The following FNBP4 variants were observed in gnomAD, a reference collection of about 807,000 sequenced individuals.
FNBP4 encodes the protein formin-binding protein 4.
FNBP4 carries 34 observed loss-of-function variants against 119.3 expected under a neutral mutation model. The ratio of observed to expected loss-of-function variants is 0.28; its 90% CI spans 0.22 to 0.38. The LOEUF (loss-of-function observed/expected upper bound fraction) is 0.38. Among genes scored for constraint, FNBP4 ranks in the 10% least tolerant of loss-of-function variants. The pLI is 1.00. For missense variants in FNBP4, 1,112 were observed against 1,228.9 expected, an observed-to-expected ratio of 0.90 and a Z score of 1.42; for synonymous variants, 462 against 430.6, an observed-to-expected ratio of 1.07 and a Z score of -0.90.
chr11:47,720,380 AAC>A (rs1351793672), intron 15 of FNBP4, among the ~76,000 whole-genome samples: 1 of 151,854 alleles, frequency 6.6e-6, no homozygotes, highest in Non-Finnish European at 1.5e-5. Flanking sequence ...CATCCTGGCT[AAC>A]ATGGTGAAAC....
intron 2 of FNBP4, among the ~76,000 whole-genome samples, chr11:47,760,109 T>G (rs1373336461): frequency 6.6e-6 from 1 of 152,214 alleles, no homozygotes; most frequent in Non-Finnish European, 1.5e-5. Context: ...AAATCGGCTC[T>G]GCCTATTCCC....
chr11:47,743,060 A>C (rs914236684), intron 8 of FNBP4, among the ~76,000 whole-genome samples: 1 of 151,964 alleles, frequency 6.6e-6, no homozygotes, highest in Non-Finnish European at 1.5e-5. Context: ...CCTAGGGTCC[A>C]GGGATCCTTC....
Position 47,734,061 on chromosome 11 carries a change from G to A in FNBP4, c.1650C>T (p.Ser550=). The change falls in exon 10 of 17, where the codon TCC becomes TCT. Residue 550 remains serine, a synonymous_variant. Transcript: ENST00000263773. ...KFEFLGINRQ[S]ISNFHVLLLQ... ...AGAGCAGCACATGAAAGTTGGAGAT[G>A]GATTGTCTATTAATGCCTAGAAACT... 3 of 1,585,468 alleles carry A rather than the reference G, an allele frequency of 1.9e-6. No homozygotes were observed. Among genetic ancestry groups the A allele is most frequent in the South Asian group, 1.2e-5 (1 of 85,776 alleles).
intron 16 of FNBP4, among the ~76,000 whole-genome samples, 177 bp from the exon 17 acceptor site, chr11:47,717,689 T>TGATA (rs1053056216): frequency 2.0e-5 from 3 of 152,220 alleles, no homozygotes; most frequent in African/African-American, 7.2e-5. Flanking sequence ...TTCTTCATTC[T>TGATA]GATAGGTCAA....
intron 13 of FNBP4, 98 bp downstream of exon 13, chr11:47,724,370 C>T (rs924586267): frequency 1.8e-5 from 29 of 1,583,082 alleles, no homozygotes; most frequent in East Asian, 4.5e-5. Flanking sequence ...CGTGAGCCAC[C>T]GTGCCCGGCC....
chr11:47,750,660 G>T (rs1306449429), intron 6 of FNBP4, among the ~76,000 whole-genome samples: 1 of 118,414 alleles, frequency 8.4e-6, no homozygotes, highest in Non-Finnish European at 1.6e-5. Flanking sequence ...CTGTACTCCA[G>T]CCTGGGTGAC....
chr11:47,763,989 A>G (rs1051820227), intron 2 of FNBP4, among the ~76,000 whole-genome samples: 9 of 152,200 alleles, frequency 5.9e-5, no homozygotes, highest in Non-Finnish European at 1.3e-4. Flanking sequence ...TGTTTTGGAA[A>G]TTAAATCCCC....
At chr11:47,763,420 CAA>C (rs34974843) in intron 2 of FNBP4, among the ~76,000 whole-genome samples, 73,346 of 126,074 alleles carry the variant, frequency 0.58, 20,938 homozygotes, top group African/African-American at 0.68. Context: ...CACTTGAACT[CAA>C]AAAAAAAAAA....
intron 16 of FNBP4, among the ~76,000 whole-genome samples, chr11:47,719,459 G>C (rs1395493280): frequency 2.6e-5 from 4 of 152,032 alleles, no homozygotes; most frequent in Non-Finnish European, 5.9e-5. Context: ...TGAAATATAG[G>C]GACAGGGGAA....
At chr11:47,763,332 C>A (rs191062549) in intron 2 of FNBP4, among the ~76,000 whole-genome samples, 23 of 150,808 alleles carry the variant, frequency 1.5e-4, no homozygotes, top group Non-Finnish European at 2.7e-4. Context: ...GTAATCCCAG[C>A]TGCTCAGGAG....
At chr11:47,731,730 A>G in intron 11 of FNBP4, 169 bp from the exon 12 acceptor site, 1 of 1,377,500 alleles carries the variant, frequency 7.3e-7, no homozygotes, top group Non-Finnish European at 9.3e-7. Flanking sequence ...TGGAGAACCA[A>G]GGATAATTCA....
intron 1 of FNBP4, among the ~76,000 whole-genome samples, chr11:47,766,626 G>C (rs1276532461): frequency 6.6e-6 from 1 of 152,210 alleles, no homozygotes; most frequent in African/African-American, 2.4e-5. Flanking sequence ...TTACTAGCTG[G>C]AATATTAAGA....
intron 1 of FNBP4, 21 bp downstream of exon 1, chr11:47,767,048 G>A: frequency 1.3e-6 from 2 of 1,520,220 alleles, no homozygotes; most frequent in Non-Finnish European, 1.8e-6. Flanking sequence ...CTCGAGTTCA[G>A]GTCCCCCCGC....
In FNBP4 at chr11:47,735,013, C is replaced by T. The variant is rs145798104; in HGVS notation, c.1582-884G>A. On this transcript the variant is annotated intron_variant, in intron 9 of 16. Coordinates refer to ENST00000263773, the MANE Select transcript of FNBP4 (RefSeq NM_015308.5). The stretch of plus-strand genomic sequence containing the variant: ...CCAAAAAAAAAGGAAATCTAAAGCA[C>T]AGCATGGTGACTACAGTTAACAATA... Among the ~76,000 whole-genome samples the T allele has an allele frequency of 9.6e-5, 13 of 135,180 alleles. No homozygotes were observed. The East Asian group carries it at 2.9e-3, about 30-fold the overall frequency. The allele number at this position is 135,180 out of a possible 152,430, so 88.7% of individuals were successfully genotyped here.
intron 15 of FNBP4, among the ~76,000 whole-genome samples, chr11:47,720,609 A>C (rs952863503): frequency 4.6e-5 from 7 of 151,642 alleles, no homozygotes; most frequent in African/African-American, 1.7e-4. Context: ...AAATCTATAA[A>C]GCTTTGTAAA....
At chr11:47,750,705 A>G (rs2097600999) in intron 6 of FNBP4, among the ~76,000 whole-genome samples, 3 of 148,990 alleles carry the variant, frequency 2.0e-5, no homozygotes, top group Non-Finnish European at 3.0e-5. Context: ...AAAAAAAAAA[A>G]AAAAAAAAAA....
chr11:47,718,267 G>A (rs2097551779), intron 16 of FNBP4, among the ~76,000 whole-genome samples: 1 of 151,834 alleles, frequency 6.6e-6, no homozygotes, highest in Admixed American at 6.6e-5. Context: ...AGACTGGAGT[G>A]CAGTGGCACA....
chr11:47,731,991 T>A (rs1468304152), intron 11 of FNBP4: 5 of 993,576 alleles, frequency 5.0e-6, no homozygotes, highest in Non-Finnish European at 3.6e-6. Flanking sequence ...ATTCTTGATA[T>A]CAAACACAGT....
chr11:47,735,154 C>T (rs910005682), intron 9 of FNBP4, among the ~76,000 whole-genome samples: 2 of 151,882 alleles, frequency 1.3e-5, no homozygotes, highest in Non-Finnish European at 2.9e-5. Flanking sequence ...ATAATCATAT[C>T]ATAATATATA....
Sources: allele counts gnomAD v4.1 joint callset (sites outside exome capture counted in the v4.1 genomes callset), GRCh38; gene constraint gnomAD v4.1.1; transcripts MANE v1.5; gene names NCBI Gene and HGNC (gene_info 2026-07-23, HGNC 2026-07-21).